The following POLA2 variants were observed in gnomAD, a reference collection of about 807,000 sequenced individuals.
POLA2 encodes DNA polymerase alpha subunit B.
Under a neutral mutation model 82.8 loss-of-function variants are expected in POLA2, and 47 were observed. The ratio of observed to expected loss-of-function variants is 0.57; its 90% CI spans 0.45 to 0.72. POLA2 has a LOEUF of 0.72. POLA2 is among the 30% of genes least tolerant of loss of function. The pLI is 0.00. For missense variants in POLA2, 634 were observed against 728.1 expected, an observed-to-expected ratio of 0.87 and a Z score of 1.49; for synonymous variants, 287 against 286.8, an observed-to-expected ratio of 1.00 and a Z score of -0.01.
intron 10 of POLA2, among the ~76,000 whole-genome samples, chr11:65,284,560 C>T (rs1949675888): frequency 6.7e-6 from 1 of 148,842 alleles, no homozygotes; most frequent in Non-Finnish European, 1.5e-5. Context: ...CAGAGTTTCA[C>T]TCGTTGCCCA....
chr11:65,278,447 C>T (rs1949603683), intron 5 of POLA2, among the ~76,000 whole-genome samples: 1 of 152,176 alleles, frequency 6.6e-6, no homozygotes, highest in South Asian at 2.1e-4. Flanking sequence ...TTTTGCCTTG[C>T]TTAGTTTTAA....
chr11:65,289,318 A>C (rs1349897507), intron 12 of POLA2, among the ~76,000 whole-genome samples: 1 of 152,222 alleles, frequency 6.6e-6, no homozygotes, highest in Non-Finnish European at 1.5e-5. Flanking sequence ...ATAAGTCCTA[A>C]TGTTCCTTTG....
intron 4 of POLA2, 141 bp from the exon 5 acceptor site, chr11:65,275,751 G>A: frequency 2.3e-6 from 1 of 438,868 alleles, no homozygotes; most frequent in Admixed American, 4.4e-5. Context: ...CTTGGATGAT[G>A]GGGCCTTAAG....
In POLA2 at chr11:65,262,376, G is replaced by A. The variant is rs1472796519; in HGVS notation, c.79+5G>A. 6.2e-7 allele frequency: 1 copy of A among 1,610,032 alleles called. No homozygotes were observed. The highest frequency in any genetic ancestry group is 8.5e-7 in the Non-Finnish European group (1 of 1,177,456). On this transcript the variant is annotated splice_donor_5th_base_variant and intron_variant, in intron 1 of 17. Transcript: ENST00000265465. ...AGGAGGCTCTAATTGAGAAATGTGAGTCCCGCACCCCTCCCGCCCTGCAGC... is the reference window on the plus strand; with the variant it reads ...AGGAGGCTCTAATTGAGAAATGTGAATCCCGCACCCCTCCCGCCCTGCAGC...
At chr11:65,305,494 CAAGCTGACA>C (rs757499145) in exon 9 of POLA2, 5 of 431,124 alleles carry the variant, frequency 1.2e-5, no homozygotes, top group South Asian at 8.2e-5. Flanking sequence ...CCAAGAAGGA[CAAGCTGACA>C]GAGCTGACAA....
rs11227169 is a variant in POLA2 at position 65,272,030 on chromosome 11, C to G, written c.354+3301C>G. Among the ~76,000 whole-genome samples, 792 of 152,078 alleles carry G rather than the reference C, an allele frequency of 5.2e-3. 1 individual carries two copies. Among genetic ancestry groups the G allele is most frequent in the Non-Finnish European group, 8.8e-3 (596 of 67,986 alleles). ...GCATGATAAAATAGTCAAAGTGTGGCCAGGCATGGTGGCTCACACCTGTAA... is the reference window on the plus strand; with the variant it reads ...GCATGATAAAATAGTCAAAGTGTGGGCAGGCATGGTGGCTCACACCTGTAA... On this transcript the variant is annotated intron_variant, in intron 4 of 17. Coordinates refer to ENST00000265465, the MANE Select transcript of POLA2 (RefSeq NM_002689.4).
downstream of POLA2, among the ~76,000 whole-genome samples, chr11:65,300,441 T>C (rs1268624240): frequency 6.7e-6 from 1 of 149,658 alleles, no homozygotes; most frequent in African/African-American, 2.6e-5. Flanking sequence ...GGGTTCAGCC[T>C]CCTGAGTAGC....
chr11:65,279,907 G>A (rs553549809), intron 7 of POLA2: 34 of 351,328 alleles, frequency 9.7e-5, no homozygotes, highest in Non-Finnish European at 1.6e-4. Flanking sequence ...GTAGCTCCCC[G>A]GGGATTTCCC....
intron 7 of POLA2, 106 bp from the exon 8 acceptor site, chr11:65,280,886 T>C: frequency 1.8e-6 from 2 of 1,100,088 alleles, no homozygotes; most frequent in Admixed American, 4.1e-5. Context: ...TGCCAAGAAA[T>C]GTATTTGTTG....
At chr11:65,271,183 G>A (rs1246595754) in intron 4 of POLA2, among the ~76,000 whole-genome samples, 1 of 152,194 alleles carries the variant, frequency 6.6e-6, no homozygotes, top group African/African-American at 2.4e-5. Context: ...TTAGATGGAA[G>A]CTCCTTGAGA....
In POLA2 at chr11:65,281,737, ACAG is replaced by A. The variant is rs751179606; in HGVS notation, c.963+9_963+11del. 1.2e-6 allele frequency: 2 copies of A among 1,610,678 alleles called. No homozygotes were observed. The highest frequency in any genetic ancestry group is 4.5e-5 in the East Asian group (2 of 44,860). On this transcript the variant is annotated splice_donor_region_variant and intron_variant, in intron 9 of 17. Transcript: ENST00000265465. ...GTTGCCACCAAACTCTACGAGGTAC[ACAG>A]CAGTACCCCCACTTGCCTCTTGGTT...
chr11:65,290,368 C>T (rs1949742219), intron 13 of POLA2, among the ~76,000 whole-genome samples: 3 of 151,730 alleles, frequency 2.0e-5, no homozygotes, highest in Admixed American at 1.3e-4. Context: ...GAAACCCTAT[C>T]TCTACTAAAA....
intron 6 of POLA2, 51 bp from the exon 7 acceptor site, chr11:65,279,487 G>T: frequency 8.5e-7 from 1 of 1,180,770 alleles, no homozygotes; most frequent in Non-Finnish European, 1.2e-6. Context: ...TCTCTTCTTG[G>T]CAAGTGAAAT....
At chr11:65,264,066 T>C (rs76750510) in intron 1 of POLA2, among the ~76,000 whole-genome samples, 1 of 152,052 alleles carries the variant, frequency 6.6e-6, no homozygotes, top group African/African-American at 2.4e-5. Flanking sequence ...CTGTTTTTTT[T>C]GTTGTTGTTT....
Position 65,294,081 on chromosome 11 carries a change from C to G in POLA2, c.1245-72C>G, listed in dbSNP as rs1949783347. ...CTGCCTCCAGCCTGAGGCATCCCAC[C>G]TGTTGCGCAGCTGTTCTAACTCAAC... On this transcript the variant is annotated intron_variant, in intron 13 of 17. Transcript: ENST00000265465. 6.1e-6 allele frequency: 8 copies of G among 1,310,884 alleles called. No homozygotes were observed. The East Asian group carries it at 1.8e-4, about 30-fold the overall frequency. 81.2% of individuals were successfully genotyped at this position (1,310,884 alleles called of 1,614,324 possible).
At chr11:65,271,296 T>G (rs997957284) in intron 4 of POLA2, among the ~76,000 whole-genome samples, 3 of 152,160 alleles carry the variant, frequency 2.0e-5, no homozygotes, top group African/African-American at 7.2e-5. Flanking sequence ...CTCTCTCAAT[T>G]GCAATACCAA....
At chr11:65,280,593 A>G (rs1295210493) in intron 7 of POLA2, 4 of 167,106 alleles carry the variant, frequency 2.4e-5, no homozygotes, top group Non-Finnish European at 5.2e-5. Context: ...CTAAGAATAC[A>G]TTTTAGAACA....
At chr11:65,279,502 T>C (rs1206984498) in intron 6 of POLA2, 36 bp from the exon 7 acceptor site, 1 of 1,379,656 alleles carries the variant, frequency 7.2e-7, no homozygotes, top group Non-Finnish European at 1.0e-6. Context: ...TGAAATGTCT[T>C]AAACATAATA....
chr11:65,286,540 C>T (rs1949699050), intron 10 of POLA2, among the ~76,000 whole-genome samples: 1 of 152,020 alleles, frequency 6.6e-6, no homozygotes, highest in African/African-American at 2.4e-5. Flanking sequence ...GAGGTACGCA[C>T]CACTCTGCCC....
Sources: gnomAD v4.1 joint callset for allele counts (sites outside exome capture counted in the v4.1 genomes callset) on GRCh38, gnomAD v4.1.1 for gene constraint, MANE v1.5 for transcripts, NCBI Gene and HGNC (gene_info 2026-07-23, HGNC 2026-07-21) for gene names.